PDZK1: variants seen among roughly 807,000 people sequenced by gnomAD.
PDZK1 encodes Na(+)/H(+) exchange regulatory cofactor NHE-RF3.
Under a neutral mutation model 38.1 loss-of-function variants are expected in PDZK1, and 23 were observed. The ratio of observed to expected loss-of-function variants is 0.60; its 90% confidence interval spans 0.43 to 0.85. PDZK1 has a LOEUF of 0.85. Among genes scored for constraint, PDZK1 ranks in the 40% least tolerant of loss-of-function variants. The pLI, the probability that PDZK1 is intolerant of heterozygous loss-of-function variation, is 0.00. For missense variants in PDZK1, 297 were observed against 504.3 expected (o/e 0.59, Z 3.94); for synonymous variants, 98 against 186.2 (o/e 0.53, Z 3.86).
intron 7 of PDZK1, among the ~76,000 whole-genome samples, chr1:145,673,350 T>C (rs587696400): frequency 6.6e-6 from 1 of 151,924 alleles, no homozygotes; most frequent in Non-Finnish European, 1.5e-5. Flanking sequence ...AGGGGCATTA[T>C]GCCAAATGCA....
chr1:145,684,033 G>T (rs1405043863), intron 3 of PDZK1, among the ~76,000 whole-genome samples: 1 of 150,846 alleles, frequency 6.6e-6, no homozygotes. Flanking sequence ...TTTTAGTAGA[G>T]ATGGGGTTTC....
intron 1 of PDZK1, among the ~76,000 whole-genome samples, chr1:145,702,515 T>C (rs1306478905): frequency 6.6e-6 from 1 of 152,098 alleles, no homozygotes; most frequent in East Asian, 1.9e-4. Flanking sequence ...TTTAAACTAC[T>C]ACAAGAGTCT....
intron 8 of PDZK1, 103 bp from the exon 9 acceptor site, chr1:145,671,592 T>C: frequency 1.6e-6 from 1 of 622,976 alleles, no homozygotes; most frequent in South Asian, 1.9e-5. Flanking sequence ...AGTCACTCAC[T>C]AGAATTTCTT....
intron 1 of PDZK1, among the ~76,000 whole-genome samples, chr1:145,703,693 G>A (rs1329839602): frequency 6.6e-6 from 1 of 152,108 alleles, no homozygotes; most frequent in Non-Finnish European, 1.5e-5. Context: ...CCAGAATGGT[G>A]AATGGTTCAG....
At chr1:145,692,441 T>G (rs782333267) in intron 1 of PDZK1, among the ~76,000 whole-genome samples, 7 of 152,214 alleles carry the variant, frequency 4.6e-5, no homozygotes, top group Non-Finnish European at 1.0e-4. Flanking sequence ...CCTGGCATGG[T>G]GGCTCACGCC....
chr1:145,675,248 T>G (rs1245277079), intron 6 of PDZK1, among the ~76,000 whole-genome samples: 1 of 147,628 alleles, frequency 6.8e-6, no homozygotes, highest in Non-Finnish European at 1.5e-5. Flanking sequence ...GCTGTTTTAG[T>G]TGAGACAATT....
Position 145,687,867 on chromosome 1 carries a change from C to T in PDZK1, c.155G>A (p.Gly52Glu). Residue 52 changes from glycine (G) to glutamate (E), a missense_variant, in exon 2 of 9, where the codon GGA becomes GAA. Physicochemically the swap from Gly to Glu is moderately conservative, Grantham distance 98. This residue lies in a region of PDZK1 where 159 missense variants were observed against 200.0 expected (regional missense o/e 0.79). Coordinates refer to ENST00000417171, the MANE Select transcript of PDZK1 (RefSeq NM_001201325.2). ...ACCATTGATCCTAAGAACTCTGTCT[C>T]CATCTTGAAGGCCAGCCTTCTCTGC... ...SPAEKAGLQDGDRVLRINGVF... is the reference protein window; with the variant it reads ...SPAEKAGLQDEDRVLRINGVF... 6.2e-7 allele frequency: 1 copy of T among 1,614,056 alleles called. No individual in the cohort carries two copies. Among genetic ancestry groups the T allele is most frequent in the Non-Finnish European group, 8.5e-7 (1 of 1,179,988 alleles).
At chr1:145,697,896 G>C (rs1553704415) in intron 1 of PDZK1, among the ~76,000 whole-genome samples, 1 of 148,876 alleles carries the variant, frequency 6.7e-6, no homozygotes, top group South Asian at 2.1e-4. Context: ...GGGATTACAG[G>C]CATGAGCCAC....
intron 1 of PDZK1, among the ~76,000 whole-genome samples, chr1:145,701,572 A>G (rs1246053835): frequency 6.6e-6 from 1 of 152,150 alleles, no homozygotes; most frequent in African/African-American, 2.4e-5. Flanking sequence ...TGTTAGGAAA[A>G]TACAGTTGGT....
intron 8 of PDZK1, among the ~76,000 whole-genome samples, chr1:145,671,825 G>A (rs1406280436): frequency 1.3e-5 from 2 of 152,012 alleles, no homozygotes; most frequent in African/African-American, 2.4e-5. Context: ...TATAAGACTA[G>A]GATATTGACT....
intron 1 of PDZK1, among the ~76,000 whole-genome samples, chr1:145,697,745 C>T (rs1407220942): frequency 2.0e-5 from 3 of 149,634 alleles, no homozygotes; most frequent in Non-Finnish European, 3.0e-5. Flanking sequence ...TTCAGGCACC[C>T]GCCACCATGC....
chr1:145,686,435 T>C (rs782216780), intron 3 of PDZK1, 42 bp downstream of exon 3: 34 of 1,534,860 alleles, frequency 2.2e-5, no homozygotes, highest in Non-Finnish European at 2.9e-5. Context: ...CTGTTGTCTG[T>C]GCCCTGCCCC....
Position 145,676,348 on chromosome 1 carries a change from A to T in PDZK1, c.990+2101T>A, listed in dbSNP as rs192889167. The T allele has an allele frequency of 9.1e-3, 1,501 of 164,730 alleles. 21 individuals carry two copies. The highest frequency in any genetic ancestry group is 0.035 in the African/African-American group (1,441 of 41,348). 10.2% of individuals were successfully genotyped at this position (164,730 alleles called of 1,614,324 possible). A position where few individuals can be genotyped will look rare whatever the true frequency, so the allele number is the denominator to read the frequency against. The stretch of plus-strand genomic sequence containing the variant: ...TTGACTTTCCACCAACTGCAAAATG[A>T]CTCATCATTTCTGGCAGCTTCAGTT... On this transcript the variant is annotated intron_variant, in intron 6 of 8. Transcript: ENST00000417171.
At chr1:145,682,009 AACACACACACACACAC>A (rs71077284) in intron 4 of PDZK1, among the ~76,000 whole-genome samples, 1 of 108,264 alleles carries the variant, frequency 9.2e-6, no homozygotes, top group Non-Finnish European at 1.8e-5. Context: ...ATCTCTACAA[AACACACACACACACAC>A]ACACACACAC....
chr1:145,697,182 C>T (rs587603921), intron 1 of PDZK1, among the ~76,000 whole-genome samples: 38 of 152,178 alleles, frequency 2.5e-4, no homozygotes, highest in African/African-American at 8.4e-4. Context: ...CAAGAATTAG[C>T]CGGGCATGGA....
intron 1 of PDZK1, among the ~76,000 whole-genome samples, chr1:145,693,716 G>A (rs1469500354): frequency 4.0e-5 from 6 of 151,712 alleles, no homozygotes; most frequent in Non-Finnish European, 8.8e-5. Context: ...GGAGCTTGCA[G>A]TGAGCTGAGA....
rs587715733 is a variant in PDZK1 at position 145,693,483 on chromosome 1, T to A, written c.-2-5460A>T. ...AGGAACTAGAGCTTAAAAATCACCC[T>A]AGGTGCCGGGCGCGGTGGCTCACGC... is the stretch of plus-strand genomic sequence containing the variant. On this transcript the variant is annotated intron_variant, in intron 1 of 8. Transcript: ENST00000417171. Among the ~76,000 whole-genome samples, 455 of 152,058 alleles carry A rather than the reference T, an allele frequency of 3.0e-3. 9 individuals carry two copies. The highest frequency in any genetic ancestry group is 3.4e-4 in the Non-Finnish European group (23 of 67,964).
intron 1 of PDZK1, among the ~76,000 whole-genome samples, chr1:145,703,816 A>G (rs1656101503): frequency 6.6e-6 from 1 of 151,980 alleles, no homozygotes; most frequent in South Asian, 2.1e-4. Flanking sequence ...TGTGTCCCCA[A>G]CAAGATAAGC....
chr1:145,674,634 T>C (rs1405648173), intron 6 of PDZK1, among the ~76,000 whole-genome samples: 3 of 152,034 alleles, frequency 2.0e-5, no homozygotes, highest in Non-Finnish European at 4.4e-5. Flanking sequence ...TCAGGCCAAA[T>C]GCACAGAAGC....
Sources: allele counts gnomAD v4.1 joint callset (sites outside exome capture counted in the v4.1 genomes callset), GRCh38; gene constraint gnomAD v4.1.1; regional missense constraint gnomAD v4.1.1; transcripts MANE v1.5; gene names NCBI Gene and HGNC (gene_info 2026-07-23, HGNC 2026-07-21).